The following TMEM132D variants were observed in gnomAD, a reference collection of about 807,000 sequenced individuals.
TMEM132D encodes the protein mature OL transmembrane protein.
TMEM132D carries 21 observed loss-of-function variants against 62.3 expected under a neutral mutation model. The observed-to-expected ratio is 0.34, with a 90% confidence interval of 0.24 to 0.49. The LOEUF (loss-of-function observed/expected upper bound fraction) is 0.49. TMEM132D is among the 20% of genes least tolerant of loss of function. The pLI is 0.99. For missense variants in TMEM132D, 1,346 were observed against 1,402.8 expected, an observed-to-expected ratio of 0.96 and a Z score of 0.65; for synonymous variants, 621 against 575.6, an observed-to-expected ratio of 1.08 and a Z score of -1.13.
At chr12:129,215,305 A>G (rs1879171111) in intron 4 of TMEM132D, among the ~76,000 whole-genome samples, 1 of 152,172 alleles carries the variant, frequency 6.6e-6, no homozygotes, top group Admixed American at 6.5e-5. Context: ...ATAGAGGGTA[A>G]CAACACACAC....
chr12:129,818,666 T>A (rs1408710454), intron 1 of TMEM132D, among the ~76,000 whole-genome samples: 1 of 151,890 alleles, frequency 6.6e-6, no homozygotes, highest in African/African-American at 2.4e-5. Context: ...AGACAGCAAG[T>A]TGCCTTTCAT....
At chr12:129,409,366 C>A (rs756777644) in intron 3 of TMEM132D, among the ~76,000 whole-genome samples, 8 of 152,212 alleles carry the variant, frequency 5.3e-5, no homozygotes, top group Non-Finnish European at 1.0e-4. Context: ...TCACACAACA[C>A]TACATTCCCT....
intron 4 of TMEM132D, among the ~76,000 whole-genome samples, chr12:129,261,974 G>A (rs1384583483): frequency 1.3e-5 from 2 of 152,108 alleles, no homozygotes; most frequent in Admixed American, 6.5e-5. Context: ...GGGATAAATC[G>A]ATGATTCAGG....
intron 3 of TMEM132D, among the ~76,000 whole-genome samples, chr12:129,528,921 T>C (rs1175790875): frequency 1.3e-5 from 2 of 152,242 alleles, no homozygotes; most frequent in African/African-American, 4.8e-5. Flanking sequence ...AACACATTTG[T>C]CTATCAACAA....
At chr12:129,710,501 T>C (rs1267923641) in intron 1 of TMEM132D, among the ~76,000 whole-genome samples, 1 of 152,142 alleles carries the variant, frequency 6.6e-6, no homozygotes, top group Admixed American at 6.5e-5. Context: ...TTTGCCATGT[T>C]GGCCAGGCTG....
At chr12:129,744,866 C>T (rs1181904879) in intron 1 of TMEM132D, among the ~76,000 whole-genome samples, 2 of 152,094 alleles carry the variant, frequency 1.3e-5, no homozygotes, top group Non-Finnish European at 2.9e-5. Flanking sequence ...CTCTGTGTCC[C>T]CACCCAAATC....
At chr12:129,482,836 G>A (rs930826544) in intron 3 of TMEM132D, among the ~76,000 whole-genome samples, 4 of 151,512 alleles carry the variant, frequency 2.6e-5, no homozygotes, top group Non-Finnish European at 5.9e-5. Context: ...TTTCACCTGG[G>A]TTAATACAGT....
At chr12:129,370,375 C>A (rs930048800) in intron 3 of TMEM132D, among the ~76,000 whole-genome samples, 1 of 152,168 alleles carries the variant, frequency 6.6e-6, no homozygotes, top group Non-Finnish European at 1.5e-5. Context: ...TTTGGTCTTT[C>A]GTGTGAATGA....
intron 3 of TMEM132D, among the ~76,000 whole-genome samples, chr12:129,483,778 T>C (rs1250061110): frequency 2.0e-5 from 3 of 152,206 alleles, no homozygotes; most frequent in South Asian, 4.1e-4. Flanking sequence ...GGGCATTTCA[T>C]GGCTGCGTGA....
At chr12:129,685,119 A>C (rs892492686) in intron 2 of TMEM132D, among the ~76,000 whole-genome samples, 25 of 152,326 alleles carry the variant, frequency 1.6e-4, no homozygotes, top group African/African-American at 6.0e-4. Flanking sequence ...ATAAAAACCC[A>C]TTTTCTGAGG....
At chr12:129,710,907 C>A (rs935148413) in intron 1 of TMEM132D, among the ~76,000 whole-genome samples, 1 of 145,280 alleles carries the variant, frequency 6.9e-6, no homozygotes, top group Non-Finnish European at 1.5e-5. Context: ...AGCCTCAGTG[C>A]GCACGCTGCC....
intron 1 of TMEM132D, among the ~76,000 whole-genome samples, chr12:129,864,976 T>C (rs1201672557): frequency 6.6e-6 from 1 of 151,936 alleles, no homozygotes; most frequent in Admixed American, 6.6e-5. Context: ...GAGCTCATCA[T>C]GAAGCCTGTA....
At chr12:129,776,941 C>A (rs968890270) in intron 1 of TMEM132D, among the ~76,000 whole-genome samples, 4 of 152,066 alleles carry the variant, frequency 2.6e-5, no homozygotes, top group African/African-American at 9.7e-5. Context: ...CTTTGAATAG[C>A]GTCATTTCCA....
chr12:129,360,012 AC>A (rs201842463), intron 3 of TMEM132D, among the ~76,000 whole-genome samples: 36 of 150,942 alleles, frequency 2.4e-4, no homozygotes, highest in African/African-American at 3.2e-4. Flanking sequence ...AAAAAAAAAA[AC>A]CCCATTTTTT....
chr12:129,599,662 G>A (rs1236494089), intron 2 of TMEM132D, among the ~76,000 whole-genome samples: 3 of 152,070 alleles, frequency 2.0e-5, no homozygotes, highest in Non-Finnish European at 2.9e-5. Flanking sequence ...TTGTGGGTTT[G>A]GTTCCAGATC....
chr12:129,445,891 G>A (rs754763749), intron 3 of TMEM132D, among the ~76,000 whole-genome samples: 17 of 152,164 alleles, frequency 1.1e-4, no homozygotes, highest in Non-Finnish European at 1.9e-4. Flanking sequence ...GCAGAACAAG[G>A]TAGAGGGAAA....
chr12:129,542,711 A>G (rs1187713799), intron 2 of TMEM132D, among the ~76,000 whole-genome samples: 1 of 152,230 alleles, frequency 6.6e-6, no homozygotes, highest in East Asian at 1.9e-4. Flanking sequence ...TATATAATGT[A>G]TATACACACA....
chr12:129,691,025 TAGAA>T (rs1881050196), intron 2 of TMEM132D, among the ~76,000 whole-genome samples: 1 of 152,030 alleles, frequency 6.6e-6, no homozygotes, highest in African/African-American at 2.4e-5. Context: ...AAATCAATAC[TAGAA>T]AGATAGATGG....
chr12:129,398,834 T>TCATTCATC (rs776563384), intron 3 of TMEM132D, among the ~76,000 whole-genome samples: 9 of 71,266 alleles, frequency 1.3e-4, no homozygotes, highest in Non-Finnish European at 2.8e-4. Flanking sequence ...ATTTATGTAT[T>TCATTCATC]CATCCATCCA....
Sources: allele counts gnomAD v4.1 joint callset (sites outside exome capture counted in the v4.1 genomes callset), GRCh38; gene constraint gnomAD v4.1.1; transcripts MANE v1.5; gene names NCBI Gene and HGNC (gene_info 2026-07-23, HGNC 2026-07-21).